TAOK1: variants seen among roughly 807,000 people sequenced by gnomAD.
The protein encoded by TAOK1 is serine/threonine-protein kinase TAO1.
A neutral mutation model predicts 138.3 loss-of-function variants in TAOK1; 21 were observed. The ratio of observed to expected loss-of-function variants is 0.15; its 90% CI spans 0.11 to 0.22. The LOEUF (loss-of-function observed/expected upper bound fraction) is 0.22, where lower values mean the gene tolerates loss of function less well. Ranked by LOEUF, TAOK1 falls within the 10% of genes least tolerant of loss-of-function variation. The pLI, the probability that TAOK1 is intolerant of heterozygous loss-of-function variation, is 1.00. For synonymous variants in TAOK1, 361 were observed against 398.4 expected (o/e 0.91, Z 1.12); for missense variants, 651 against 1,227.7 (o/e 0.53, Z 7.02).
chr17:29,542,805 C>G lies in TAOK1; in HGVS notation c.2789C>G (p.Pro930Arg). 1 of 1,614,144 alleles carries G rather than the reference C, an allele frequency of 6.2e-7. No homozygotes were observed. The highest frequency in any genetic ancestry group is 8.5e-7 in the Non-Finnish European group (1 of 1,180,006). Residue 930 changes from proline to arginine, a missense_variant, in exon 20 of 20, where the codon CCA (proline) becomes CGA (arginine). Transcript: ENST00000261716. The part of the protein sequence containing the change: ...PHWGHPMGGP[P>R]QAWGHPMQGG... ...TGGGGTCATCCCATGGGTGGCCCAC[C>G]ACAAGCTTGGGGCCATCCAATGCAA...
intron 15 of TAOK1, among the ~76,000 whole-genome samples, chr17:29,515,557 C>T (rs2031798849): frequency 6.6e-6 from 1 of 152,024 alleles, no homozygotes; most frequent in Admixed American, 6.6e-5. Context: ...ATCTAAAGGC[C>T]GGGTGCAGTG....
chr17:29,422,673 T>C (rs1905490511), intron 1 of TAOK1, among the ~76,000 whole-genome samples: 1 of 152,240 alleles, frequency 6.6e-6, no homozygotes, highest in African/African-American at 2.4e-5. Flanking sequence ...CTTTAATTCC[T>C]GATACTGGTA....
intron 3 of TAOK1, among the ~76,000 whole-genome samples, chr17:29,467,671 T>C (rs1448952126): frequency 1.3e-5 from 2 of 152,038 alleles, no homozygotes; most frequent in African/African-American, 4.8e-5. Flanking sequence ...AGTATACACA[T>C]CTTAAGTGTA....
intron 4 of TAOK1, among the ~76,000 whole-genome samples, chr17:29,477,287 T>C (rs2030964822): frequency 6.6e-6 from 1 of 152,128 alleles, no homozygotes; most frequent in Non-Finnish European, 1.5e-5. Context: ...ATATTGTTAC[T>C]ATAGGTTTGT....
intron 1 of TAOK1, among the ~76,000 whole-genome samples, chr17:29,397,052 TG>T (rs11327402): frequency 0.61 from 87,209 of 142,968 alleles, 27,681 homozygotes; most frequent in East Asian, 0.96. Flanking sequence ...CCCAGCACTT[TG>T]GGAGGCTGAG....
intron 1 of TAOK1, among the ~76,000 whole-genome samples, chr17:29,400,952 C>T (rs1250885688): frequency 6.9e-6 from 1 of 145,038 alleles, no homozygotes; most frequent in East Asian, 2.0e-4. Context: ...GCTCTGTTGC[C>T]CAGGCTGGAA....
At position 29,405,796 on chromosome 17, in the gene TAOK1, C is replaced by T. The variant is rs145328196; in HGVS notation, c.-95+14772C>T. On this transcript the variant is annotated intron_variant, in intron 1 of 19. Coordinates refer to ENST00000261716, the MANE Select transcript of TAOK1 (RefSeq NM_020791.4). ...TCCATCTCAGAAAAAAAAAGACAAC[C>T]AGTTTAGCCAGTAAGTTATGTAGCT... is the stretch of plus-strand genomic sequence containing the variant. 3.0e-3 allele frequency among the ~76,000 whole-genome samples: 452 copies of T among 152,136 alleles called. 3 individuals carry two copies. In the Middle Eastern group the frequency reaches 0.044, roughly 15 times the overall value.
intron 2 of TAOK1, among the ~76,000 whole-genome samples, chr17:29,454,281 CTATCTT>C (rs1188164122): frequency 6.6e-6 from 1 of 152,074 alleles, no homozygotes; most frequent in African/African-American, 2.4e-5. Flanking sequence ...ATCTGTATGT[CTATCTT>C]TATGTCAGTA....
At chr17:29,391,344 C>G (rs1035360550) in intron 1 of TAOK1, among the ~76,000 whole-genome samples, 4 of 152,084 alleles carry the variant, frequency 2.6e-5, no homozygotes, top group Admixed American at 2.6e-4. Flanking sequence ...GTCCCCTTCC[C>G]CTCTGGTGCC....
intron 13 of TAOK1, 26 bp from the exon 14 acceptor site, chr17:29,507,870 T>C (rs199584347): frequency 1.4e-5 from 22 of 1,590,338 alleles, no homozygotes; most frequent in Middle Eastern, 3.3e-4. Flanking sequence ...ATTTTCTTCT[T>C]TTCCTTACAT....
intron 17 of TAOK1, among the ~76,000 whole-genome samples, chr17:29,527,941 C>A (rs998323238): frequency 6.6e-6 from 1 of 152,182 alleles, no homozygotes; most frequent in South Asian, 2.1e-4. Context: ...TGTTTATATA[C>A]TGTAGTTCAT....
chr17:29,481,204 T>C (rs970606413), intron 7 of TAOK1, among the ~76,000 whole-genome samples: 1 of 151,938 alleles, frequency 6.6e-6, no homozygotes, highest in African/African-American at 2.4e-5. Context: ...GACTTTTTTT[T>C]TTTTTTTGAG....
At chr17:29,394,150 GTTTTTTTTTTT>G (rs58117433) in intron 1 of TAOK1, among the ~76,000 whole-genome samples, 25 of 48,276 alleles carry the variant, frequency 5.2e-4, no homozygotes, top group African/African-American at 1.4e-3. Flanking sequence ...TAATTTGCCA[GTTTTTTTTTTT>G]TTTTTTTTTT....
chr17:29,402,832 T>C (rs1904887148), intron 1 of TAOK1, among the ~76,000 whole-genome samples: 1 of 150,146 alleles, frequency 6.7e-6, no homozygotes, highest in Admixed American at 6.7e-5. Flanking sequence ...AGGTCACGAG[T>C]TCAAAACCAG....
intron 1 of TAOK1, among the ~76,000 whole-genome samples, chr17:29,443,013 T>C (rs1293970424): frequency 2.6e-5 from 4 of 152,236 alleles, no homozygotes; most frequent in East Asian, 1.9e-4. Flanking sequence ...TGTGTGTTTG[T>C]GTGTGTCTAT....
chr17:29,508,814 G>T (rs930212837), intron 14 of TAOK1, among the ~76,000 whole-genome samples: 4 of 152,108 alleles, frequency 2.6e-5, no homozygotes, highest in Admixed American at 2.0e-4. Context: ...TATTTTACAT[G>T]ATAAAAGTTA....
chr17:29,426,478 C>T (rs1167821748), intron 1 of TAOK1, among the ~76,000 whole-genome samples: 2 of 151,710 alleles, frequency 1.3e-5, no homozygotes, highest in Non-Finnish European at 2.9e-5. Context: ...AGTTGCTGAG[C>T]CAAAGGTAGA....
intron 17 of TAOK1, among the ~76,000 whole-genome samples, chr17:29,529,478 A>T (rs605898): frequency 0.38 from 57,430 of 151,830 alleles, 12,069 homozygotes; most frequent in Non-Finnish European, 0.48. Flanking sequence ...ACACCAGTAA[A>T]CCCAGCACTT....
intron 1 of TAOK1, among the ~76,000 whole-genome samples, chr17:29,439,902 T>C (rs2029890239): frequency 6.7e-6 from 1 of 149,706 alleles, no homozygotes; most frequent in Non-Finnish European, 1.5e-5. Context: ...TTTTTTAAGA[T>C]AGTCTGTAAT....
Sources: allele counts gnomAD v4.1 joint callset (sites outside exome capture counted in the v4.1 genomes callset), GRCh38; gene constraint gnomAD v4.1.1; transcripts MANE v1.5; gene names NCBI Gene and HGNC (gene_info 2026-07-23, HGNC 2026-07-21).